The following GLOD5 variants were observed in gnomAD, a reference collection of about 807,000 sequenced individuals.
GLOD5 encodes glyoxalase domain containing 5, also known as glyoxalase domain-containing protein 5.
GLOD5 carries 7 observed loss-of-function variants against 9.9 expected under a neutral mutation model. That is an observed-to-expected ratio of 0.71 (90% CI 0.40 to 1.33). The LOEUF is 1.33. GLOD5 is among the 40% of genes most tolerant of loss of function. The probability of loss-of-function intolerance (pLI) is 0.01; values close to 1 mark genes in which losing one functional copy is unlikely to be tolerated. For synonymous variants in GLOD5, 49 were observed against 47.3 expected (o/e 1.04, Z -0.14); for missense variants, 146 against 128.4 (o/e 1.14, Z -0.66).
At chrX:48,765,004 T>C in intron 1 of GLOD5, among the ~76,000 whole-genome samples, 1 of 110,118 alleles carries the variant, frequency 9.1e-6, no homozygotes, top group Non-Finnish European at 1.9e-5. Flanking sequence ...GGTTGGGGAG[T>C]GGTCCTCCCT....
At chrX:48,771,964 C>A (rs781859881) in intron 3 of GLOD5, among the ~76,000 whole-genome samples, 2 of 111,532 alleles carry the variant, frequency 1.8e-5, no homozygotes, top group African/African-American at 6.5e-5. Context: ...TGGTTGGGCA[C>A]GGTCACTCAC....
At chrX:48,765,439 G>A (rs1327618396) in intron 1 of GLOD5, among the ~76,000 whole-genome samples, 6 of 109,024 alleles carry the variant, frequency 5.5e-5, no homozygotes, top group Admixed American at 3.0e-4. Context: ...TTAGCTGGGC[G>A]TGGTGACACA....
intron 1 of GLOD5, among the ~76,000 whole-genome samples, 194 bp downstream of exon 1, chrX:48,762,047 G>A (rs1376779495): frequency 1.8e-5 from 2 of 111,468 alleles, no homozygotes; most frequent in Non-Finnish European, 3.8e-5. Context: ...GTGCTCAGGT[G>A]TGCAGGGCTG....
At chrX:48,770,433 A>G (rs782685536) in intron 2 of GLOD5, among the ~76,000 whole-genome samples, 2 of 111,821 alleles carry the variant, frequency 1.8e-5, no homozygotes, top group South Asian at 7.5e-4. Context: ...GTAGTTAGTC[A>G]GGTCATGGGC....
chrX:48,764,603 G>A (rs891537247), intron 1 of GLOD5, among the ~76,000 whole-genome samples: 1 of 102,372 alleles, frequency 9.8e-6, no homozygotes, highest in East Asian at 3.1e-4. Context: ...CCAGGAGTCC[G>A]GTTGAGTGAT....
rs782000639 is a variant in GLOD5, at chrX:48,765,888, C to A, written c.117C>A (p.Asp39Glu). 9.2e-6 allele frequency: 11 copies of A among 1,199,185 alleles called. No individual in the cohort carries two copies. In the East Asian group the frequency reaches 3.0e-4, roughly 32 times the overall value. ...TPPPCLIRRLDHIVMTVKSIK... is the reference protein window; with the variant it reads ...TPPPCLIRRLEHIVMTVKSIK... Reference sequence around the variant, plus strand: ...CCCCATGTCTTATCCGTAGACTTGACCACATCGTGATGACGGTGAAGAGCA... The same window carrying A: ...CCCCATGTCTTATCCGTAGACTTGAACACATCGTGATGACGGTGAAGAGCA... Residue 39 changes from aspartate to glutamate, a missense_variant, in exon 2 of 4, where the codon GAC becomes GAA. Physicochemically the swap from Asp to Glu is conservative, Grantham distance 45 (BLOSUM62 2). Transcript: ENST00000303227.
chrX:48,762,239 AG>A (rs1215283172), intron 1 of GLOD5: 1 of 136,864 alleles, frequency 7.3e-6, no homozygotes, highest in Non-Finnish European at 1.4e-5. Flanking sequence ...GGCAACCTGA[AG>A]GGGACCTTGA....
intron 3 of GLOD5, among the ~76,000 whole-genome samples, chrX:48,772,218 T>C (rs782312223): frequency 1.8e-5 from 2 of 110,019 alleles, no homozygotes; most frequent in South Asian, 3.9e-4. Flanking sequence ...GCCTGGGTGA[T>C]ACAGCAAGAC....
intron 3 of GLOD5, among the ~76,000 whole-genome samples, chrX:48,773,080 A>G (rs983542593): frequency 4.5e-5 from 5 of 110,167 alleles, no homozygotes; most frequent in African/African-American, 9.9e-5. Flanking sequence ...TATGAAAAAT[A>G]GCTGGGCATG....
chrX:48,766,478 C>T (rs112710029), intron 2 of GLOD5, among the ~76,000 whole-genome samples: 6,964 of 108,834 alleles, frequency 0.064, 254 homozygotes, highest in Non-Finnish European at 0.1. Flanking sequence ...GGGCCAGGTG[C>T]GGTGGCTCAT....
Position 48,770,575 on chromosome X carries a change from G to A in GLOD5, c.202-352G>A, listed in dbSNP as rs781956094. Among the ~76,000 whole-genome samples the A allele has an allele frequency of 5.4e-5, 6 of 111,387 alleles. No homozygotes were observed. In the East Asian group the frequency reaches 1.1e-3, roughly 21 times the overall value. ...GGTCCAGCTAACGTGGCCTCCGGAC[G>A]TGCTGGGAAATGTAGGTTTTTAAAG... On this transcript the variant is annotated intron_variant, in intron 2 of 3. Transcript: ENST00000303227.
chrX:48,763,603 G>A (rs2062601835), intron 1 of GLOD5, among the ~76,000 whole-genome samples: 1 of 112,216 alleles, frequency 8.9e-6, no homozygotes, highest in Non-Finnish European at 1.9e-5. Context: ...TGAAGTAGGA[G>A]GATTGCTTGA....
At chrX:48,771,137 G>C in intron 3 of GLOD5, 55 bp downstream of exon 3, 1 of 1,001,579 alleles carries the variant, frequency 1.0e-6, no homozygotes, top group East Asian at 3.2e-5. Context: ...AGTGAAAACA[G>C]AAGAATGACC....
intron 3 of GLOD5, 61 bp from the exon 4 acceptor site, chrX:48,773,249 T>A: frequency 1.7e-6 from 2 of 1,166,661 alleles, no homozygotes; most frequent in Non-Finnish European, 2.3e-6. Flanking sequence ...AAAAAGGCAT[T>A]AAATTTTGGT....
intron 3 of GLOD5, among the ~76,000 whole-genome samples, chrX:48,771,347 G>C (rs1291115530): frequency 1.0e-5 from 1 of 99,356 alleles, no homozygotes; most frequent in African/African-American, 3.8e-5. Flanking sequence ...ACAGAGTCTT[G>C]CTCTGTTACC....
At chrX:48,771,448 T>G (rs1398654024) in intron 3 of GLOD5, among the ~76,000 whole-genome samples, 2 of 109,237 alleles carry the variant, frequency 1.8e-5, no homozygotes, top group Non-Finnish European at 3.8e-5. Flanking sequence ...CCCAAGTTGC[T>G]GGTACTACAG....
intron 1 of GLOD5, 145 bp from the exon 2 acceptor site, chrX:48,765,690 G>C (rs782217183): frequency 4.7e-5 from 30 of 634,770 alleles, no homozygotes; most frequent in Non-Finnish European, 7.8e-6. Context: ...GACTCTACCA[G>C]TAAGTATTCT....
chrX:48,763,989 G>C (rs1214063502), intron 1 of GLOD5, among the ~76,000 whole-genome samples: 2 of 112,515 alleles, frequency 1.8e-5, no homozygotes, highest in African/African-American at 3.2e-5. Flanking sequence ...GCAAAGGGTA[G>C]AACAGAATAG....
chrX:48,769,489 C>A lies in GLOD5; in HGVS notation c.202-1438C>A, dbSNP rs372237955. On this transcript the variant is annotated intron_variant, in intron 2 of 3. Transcript: ENST00000303227. The stretch of plus-strand genomic sequence containing the variant: ...TGAGCCGTGATTGCACCACTGCATT[C>A]CAGCCTGGGTGATAGAATGAGACTC... Among the ~76,000 whole-genome samples the A allele has an allele frequency of 1.2e-4, 13 of 110,780 alleles. No individual in the cohort carries two copies. In the East Asian group the frequency reaches 2.3e-3, roughly 19 times the overall value.
Sources: allele counts gnomAD v4.1 joint callset (sites outside exome capture counted in the v4.1 genomes callset), GRCh38; gene constraint gnomAD v4.1.1; transcripts MANE v1.5; gene names NCBI Gene and HGNC (gene_info 2026-07-23, HGNC 2026-07-21).